The following SLC9A9 variants were observed in gnomAD, a reference collection of about 807,000 sequenced individuals.
The protein encoded by SLC9A9 is solute carrier family 9 member A9, also known as sodium/hydrogen exchanger 9.
Under a neutral mutation model 77.8 loss-of-function variants are expected in SLC9A9, and 62 were observed. The observed-to-expected ratio is 0.80, with a 90% CI of 0.65 to 0.98. The LOEUF (loss-of-function observed/expected upper bound fraction) is 0.98. Ranked by LOEUF, SLC9A9 falls within the 50% of genes least tolerant of loss-of-function variation. The pLI, the probability that SLC9A9 is intolerant of heterozygous loss-of-function variation, is 0.00. For synonymous variants in SLC9A9, 320 were observed against 283.5 expected (o/e 1.13, Z -1.29); for missense variants, 775 against 774.9 (o/e 1.00, Z 0.00).
intron 12 of SLC9A9, among the ~76,000 whole-genome samples, chr3:143,428,057 A>G (rs1159367739): frequency 6.6e-6 from 1 of 152,256 alleles, no homozygotes; most frequent in Non-Finnish European, 1.5e-5. Context: ...GAAAGCACAG[A>G]CAACGAAACT....
At chr3:143,374,553 A>G (rs1228607308) in intron 13 of SLC9A9, among the ~76,000 whole-genome samples, 1 of 152,024 alleles carries the variant, frequency 6.6e-6, no homozygotes, top group African/African-American at 2.4e-5. Context: ...AAAGCATATT[A>G]AGCACTATTT....
At chr3:143,626,818 A>G (rs958494711) in intron 6 of SLC9A9, 4 of 152,244 alleles carry the variant, frequency 2.6e-5, no homozygotes, top group African/African-American at 9.7e-5. Context: ...TTACTATCCC[A>G]TGACAGATAG....
chr3:143,591,282 C>T (rs1364420245), intron 6 of SLC9A9, among the ~76,000 whole-genome samples: 2 of 152,186 alleles, frequency 1.3e-5, no homozygotes, highest in Non-Finnish European at 2.9e-5. Flanking sequence ...CACTTCGGTT[C>T]AAGTTATCTT....
chr3:143,393,571 G>T (rs2033623936), intron 12 of SLC9A9, among the ~76,000 whole-genome samples: 1 of 152,118 alleles, frequency 6.6e-6, no homozygotes, highest in Non-Finnish European at 1.5e-5. Flanking sequence ...ACATTCAAAA[G>T]CTAGCAGAAG....
chr3:143,551,922 T>C (rs1307603885), intron 9 of SLC9A9, among the ~76,000 whole-genome samples: 1 of 152,200 alleles, frequency 6.6e-6, no homozygotes, highest in Non-Finnish European at 1.5e-5. Context: ...AAGGGAGATA[T>C]ATTCTGCTTG....
At chr3:143,414,205 T>C (rs947399303) in intron 12 of SLC9A9, among the ~76,000 whole-genome samples, 243 of 152,350 alleles carry the variant, frequency 1.6e-3, no homozygotes, top group African/African-American at 5.7e-3. Context: ...TATTTGTACA[T>C]GTGTGCACCT....
intron 4 of SLC9A9, among the ~76,000 whole-genome samples, chr3:143,709,466 C>T (rs531319347): frequency 1.4e-3 from 208 of 152,176 alleles, no homozygotes; most frequent in African/African-American, 4.7e-3. Flanking sequence ...GTATCATTGT[C>T]GCTGGTCCCC....
At chr3:143,768,595 T>G (rs2007408738) in intron 4 of SLC9A9, among the ~76,000 whole-genome samples, 1 of 152,190 alleles carries the variant, frequency 6.6e-6, no homozygotes, top group Non-Finnish European at 1.5e-5. Context: ...AACTCCTAAT[T>G]ACGCATACAA....
intron 5 of SLC9A9, among the ~76,000 whole-genome samples, chr3:143,679,203 G>GGA (rs1355349136): frequency 1.3e-5 from 2 of 152,186 alleles, no homozygotes; most frequent in East Asian, 3.8e-4. Flanking sequence ...AGTAATCATT[G>GGA]CTTAGCTCCT....
chr3:143,536,610 G>C (rs149166031), intron 9 of SLC9A9, among the ~76,000 whole-genome samples: 95 of 152,286 alleles, frequency 6.2e-4, no homozygotes, highest in African/African-American at 2.2e-3. Context: ...CACTGTAGAA[G>C]GGAGCTTGAC....
At chr3:143,697,054 C>A (rs1220767195) in intron 4 of SLC9A9, among the ~76,000 whole-genome samples, 1 of 151,568 alleles carries the variant, frequency 6.6e-6, no homozygotes, top group East Asian at 1.9e-4. Flanking sequence ...AAATTCAAAG[C>A]AATCTTCTAC....
chr3:143,567,230 G>C (rs1408762604), intron 8 of SLC9A9, among the ~76,000 whole-genome samples: 1 of 152,130 alleles, frequency 6.6e-6, no homozygotes, highest in Non-Finnish European at 1.5e-5. Context: ...GACTTTAGCA[G>C]TAAGGAAAAT....
chr3:143,830,018 A>G (rs894503219), intron 2 of SLC9A9, among the ~76,000 whole-genome samples: 5 of 152,164 alleles, frequency 3.3e-5, no homozygotes, highest in Non-Finnish European at 7.4e-5. Context: ...ACTCAATGTT[A>G]CCTCCTTATA....
chr3:143,798,633 C>T (rs2008458587), intron 2 of SLC9A9, among the ~76,000 whole-genome samples: 1 of 152,142 alleles, frequency 6.6e-6, no homozygotes, highest in Non-Finnish European at 1.5e-5. Flanking sequence ...ACCACTTGAC[C>T]CCAGTAGAAA....
At chr3:143,487,557 G>A (rs960396023) in intron 11 of SLC9A9, among the ~76,000 whole-genome samples, 1 of 151,732 alleles carries the variant, frequency 6.6e-6, no homozygotes, top group Non-Finnish European at 1.5e-5. Context: ...TAAAAAGATA[G>A]GACAACAGTG....
chr3:143,402,997 A>G (rs2033898552), intron 12 of SLC9A9, among the ~76,000 whole-genome samples: 1 of 151,216 alleles, frequency 6.6e-6, no homozygotes, highest in South Asian at 2.1e-4. Context: ...ATTTATAATA[A>G]CTCAATTCCA....
chr3:143,608,988 C>T (rs897682127), intron 6 of SLC9A9, among the ~76,000 whole-genome samples: 5 of 152,064 alleles, frequency 3.3e-5, no homozygotes, highest in South Asian at 2.1e-4. Flanking sequence ...TTTGAAATTA[C>T]GTAAACTCCT....
chr3:143,450,048 TAC>T (rs1491075015), intron 12 of SLC9A9, among the ~76,000 whole-genome samples: 3 of 98,266 alleles, frequency 3.1e-5, no homozygotes, highest in African/African-American at 7.7e-5. Context: ...TATGTATATA[TAC>T]ACACATATAT....
chr3:143,832,173 A>G lies in SLC9A9; in HGVS notation c.224T>C (p.Ile75Thr), dbSNP rs1576758793. 6.8e-6 allele frequency: 11 copies of G among 1,613,104 alleles called. No individual in the cohort carries two copies. Among genetic ancestry groups the G allele is most frequent in the South Asian group, 1.1e-5 (1 of 91,046 alleles). ...ILRYATAPTD[I>T]ESGTVYDCVK... ...ACAGTCATAGACAGTTCCACTTTCA[A>G]TATCAGTTGGTGCTGTAGCATATCG... The change falls in exon 2 of 16, where the codon ATT (isoleucine) becomes ACT (threonine). Residue 75 changes from isoleucine to threonine, a missense_variant. By Grantham distance (89) the Ile-to-Thr change is moderately conservative. Transcript: ENST00000316549.
Sources: allele counts gnomAD v4.1 joint callset (sites outside exome capture counted in the v4.1 genomes callset), GRCh38; gene constraint gnomAD v4.1.1; transcripts MANE v1.5; gene names NCBI Gene and HGNC (gene_info 2026-07-23, HGNC 2026-07-21).